The following DIS3L2 variants were observed in gnomAD, a reference collection of about 807,000 sequenced individuals.
The protein encoded by DIS3L2 is DIS3-like exonuclease 2.
In DIS3L2, 34 loss-of-function variants were observed where a neutral mutation model predicts 97.5. That is an observed-to-expected ratio of 0.35 (90% CI 0.27 to 0.46). DIS3L2 has a LOEUF of 0.46. Ranked by LOEUF, DIS3L2 falls within the 20% of genes least tolerant of loss-of-function variation. The probability of loss-of-function intolerance (pLI) is 1.00; values close to 1 mark genes in which losing one functional copy is unlikely to be tolerated. For synonymous variants in DIS3L2, 435 were observed against 445.2 expected (o/e 0.98, Z 0.29); for missense variants, 1,038 against 1,146.0 (o/e 0.91, Z 1.36).
At chr2:232,213,520 A>G (rs879250016) in intron 10 of DIS3L2, among the ~76,000 whole-genome samples, 3 of 152,136 alleles carry the variant, frequency 2.0e-5, no homozygotes, top group Admixed American at 6.5e-5. Flanking sequence ...GGGAAAGTCA[A>G]TTCCAGTTTG....
At chr2:232,077,951 CTTTCTCTT>C (rs1167947876) in intron 5 of DIS3L2, among the ~76,000 whole-genome samples, 6 of 143,264 alleles carry the variant, frequency 4.2e-5, no homozygotes, top group Admixed American at 7.1e-5. Context: ...CTTTTTCTTT[CTTTCTCTT>C]TCTTTCTTTC....
At position 232,269,970 on chromosome 2, in the gene DIS3L2, A is replaced by T. The variant is rs925473151; in HGVS notation, c.1659+6530A>T. ...GAGGTAGGGACCGTGGGGTGAGAGA[A>T]GATGATGGACCGACCCAAGAGAGGG... On this transcript the variant is annotated intron_variant, in intron 13 of 20. Transcript: ENST00000325385. The surrounding 1 kb of genome is among the most constrained non-coding windows in gnomAD (Gnocchi z 4.5). Among the ~76,000 whole-genome samples, 1 of 152,198 alleles carries T rather than the reference A, an allele frequency of 6.6e-6. No individual in the cohort carries two copies. The highest frequency in any genetic ancestry group is 2.4e-5 in the African/African-American group (1 of 41,442).
Position 232,263,424 on chromosome 2 carries a change from C to T in DIS3L2, c.1643C>T (p.Ala548Val). ...QLRQQRFVDG[A>V]LRLDQLKLAF... ...CGCCAGCAGCGCTTTGTGGACGGCG[C>T]ACTTCGTTTGGATCAGGTCAGTACG... Residue 548 changes from alanine to valine, a missense_variant, in exon 13 of 21, where the codon GCA becomes GTA. Physicochemically the swap from Ala to Val is moderately conservative, Grantham distance 64 (BLOSUM62 0). This residue lies in a region of DIS3L2 where 813 missense variants were observed against 880.1 expected (regional missense o/e 0.92). Transcript: ENST00000325385. The T allele has an allele frequency of 1.9e-6, 3 of 1,614,164 alleles. No homozygotes were observed. Among genetic ancestry groups the T allele is most frequent in the Non-Finnish European group, 2.5e-6 (3 of 1,180,038 alleles).
At chr2:232,065,112 A>G (rs1357366872) in intron 5 of DIS3L2, among the ~76,000 whole-genome samples, 2 of 152,088 alleles carry the variant, frequency 1.3e-5, no homozygotes, top group Non-Finnish European at 2.9e-5. Context: ...AATTGTGGTA[A>G]GAACACTTAA....
chr2:232,089,327 G>A (rs1435880434), intron 6 of DIS3L2, among the ~76,000 whole-genome samples: 5 of 152,182 alleles, frequency 3.3e-5, no homozygotes, highest in Non-Finnish European at 5.9e-5. Context: ...GGTTCCTTTT[G>A]TTTGGGGACA....
chr2:231,999,113 G>T (rs548356956), intron 1 of DIS3L2, among the ~76,000 whole-genome samples: 12 of 152,288 alleles, frequency 7.9e-5, no homozygotes, highest in African/African-American at 2.9e-4. Context: ...TGCCCTTGCA[G>T]CATGAAAGCA....
In DIS3L2 at chr2:231,999,724, T is replaced by C. The variant is rs1297613732; in HGVS notation, c.-93-15111T>C. Among the ~76,000 whole-genome samples, 3 of 152,244 alleles carry C rather than the reference T, an allele frequency of 2.0e-5. No homozygotes were observed. The East Asian group carries it at 5.8e-4, about 29-fold the overall frequency. ...TTTTTAGCCACAGGATTTGGTTAAA[T>C]ACTGTACCCCACAGTTACTTGGGTT... On this transcript the variant is annotated intron_variant, in intron 1 of 20. Transcript: ENST00000325385.
chr2:232,216,362 A>T (rs920499152), intron 10 of DIS3L2, among the ~76,000 whole-genome samples: 1 of 152,166 alleles, frequency 6.6e-6, no homozygotes, highest in East Asian at 1.9e-4. Flanking sequence ...TTTCTTCTCC[A>T]GTCGCCTTTT....
intron 1 of DIS3L2, among the ~76,000 whole-genome samples, chr2:232,001,557 C>CTTTTTTTTTTTTTTTTTTTTTTTTTTTG (rs57766848): frequency 3.2e-5 from 2 of 61,920 alleles, no homozygotes; most frequent in African/African-American, 8.7e-5. Flanking sequence ...TGCCATTTGT[C>CTTTTTTTTTTTTTTTTTTTTTTTTTTTG]TTTTTTTTTT....
chr2:232,333,746 C>G, intron 16 of DIS3L2, 94 bp from the exon 17 acceptor site: 1 of 1,477,726 alleles, frequency 6.8e-7, no homozygotes. Flanking sequence ...GTCCACACAT[C>G]GCTGCCGACG....
At chr2:232,009,074 T>C (rs1291479129) in intron 1 of DIS3L2, among the ~76,000 whole-genome samples, 1 of 152,164 alleles carries the variant, frequency 6.6e-6, no homozygotes, top group Non-Finnish European at 1.5e-5. Flanking sequence ...TTATAATTTC[T>C]CTTTGTTAAT....
intron 4 of DIS3L2, among the ~76,000 whole-genome samples, chr2:232,024,878 C>G (rs1160044771): frequency 6.6e-6 from 1 of 152,040 alleles, no homozygotes; most frequent in Non-Finnish European, 1.5e-5. Flanking sequence ...TTAAGAGGCT[C>G]TTTCCACTTA....
intron 1 of DIS3L2, among the ~76,000 whole-genome samples, chr2:231,969,471 C>T (rs905369958): frequency 3.8e-4 from 57 of 151,998 alleles, no homozygotes; most frequent in Middle Eastern, 3.4e-3. Context: ...CCACCACGCC[C>T]GGCTAATTTT....
chr2:232,278,261 A>G (rs1018731771), intron 13 of DIS3L2, among the ~76,000 whole-genome samples: 2 of 152,142 alleles, frequency 1.3e-5, no homozygotes, highest in African/African-American at 2.4e-5. Context: ...CTAGAATCTT[A>G]TAATACCTTA....
intron 13 of DIS3L2, among the ~76,000 whole-genome samples, chr2:232,298,624 G>A (rs1174556584): frequency 6.6e-6 from 1 of 152,110 alleles, no homozygotes; most frequent in Non-Finnish European, 1.5e-5. Flanking sequence ...CACTAAGGAA[G>A]AGAAAAATCG....
chr2:232,114,349 A>G (rs150781917), intron 6 of DIS3L2, among the ~76,000 whole-genome samples: 4 of 152,158 alleles, frequency 2.6e-5, no homozygotes, highest in Non-Finnish European at 4.4e-5. Context: ...GATCTGATAT[A>G]GGACTTAGGC....
chr2:232,149,128 G>C (rs555588052), intron 8 of DIS3L2, among the ~76,000 whole-genome samples: 2 of 150,328 alleles, frequency 1.3e-5, no homozygotes, highest in East Asian at 3.9e-4. Flanking sequence ...GCCAAAGAAG[G>C]CTTAAAAAAG....
At chr2:232,064,332 C>A (rs1695794285) in intron 5 of DIS3L2, among the ~76,000 whole-genome samples, 1 of 152,132 alleles carries the variant, frequency 6.6e-6, no homozygotes, top group African/African-American at 2.4e-5. Flanking sequence ...TTGAGTCTGG[C>A]TTTTTTCTAT....
At chr2:231,992,968 T>C (rs1244057686) in intron 1 of DIS3L2, among the ~76,000 whole-genome samples, 1 of 152,180 alleles carries the variant, frequency 6.6e-6, no homozygotes, top group African/African-American at 2.4e-5. Flanking sequence ...TTTCTCGATA[T>C]TCTTCCTAGG....
Sources: allele counts gnomAD v4.1 joint callset (sites outside exome capture counted in the v4.1 genomes callset), GRCh38; gene constraint gnomAD v4.1.1; regional missense constraint gnomAD v4.1.1; non-coding constraint Gnocchi (gnomAD v3.1); transcripts MANE v1.5; gene names NCBI Gene and HGNC (gene_info 2026-07-23, HGNC 2026-07-21).